Variants in RBFOX2 observed in about 807,000 individuals in gnomAD.
RBFOX2 encodes the protein RNA binding fox-1 homolog 2.
RBFOX2 carries 10 observed loss-of-function variants against 49.1 expected under a neutral mutation model. The observed-to-expected ratio is 0.20, with a 90% CI of 0.13 to 0.35. The LOEUF (loss-of-function observed/expected upper bound fraction) is 0.35. Ranked by LOEUF, RBFOX2 falls within the 10% of genes least tolerant of loss-of-function variation. The pLI is 1.00. For missense variants in RBFOX2, 323 were observed against 486.9 expected, an observed-to-expected ratio of 0.66 and a Z score of 3.17; for synonymous variants, 183 against 187.4, an observed-to-expected ratio of 0.98 and a Z score of 0.19.
chr22:35,898,524 C>T (rs2048160222), intron 1 of RBFOX2: 1 of 268,830 alleles, frequency 3.7e-6, no homozygotes, highest in Non-Finnish European at 7.1e-6. Flanking sequence ...CTCCCAGGCT[C>T]AAGCGATCCT....
chr22:35,854,242 C>T (rs543840382), intron 1 of RBFOX2, among the ~76,000 whole-genome samples: 14 of 152,124 alleles, frequency 9.2e-5, no homozygotes, highest in Middle Eastern at 3.4e-3. Context: ...AATACGACCA[C>T]ATTTGCTTTA....
At chr22:36,008,523 A>G (rs762486953) in intron 1 of RBFOX2, among the ~76,000 whole-genome samples, 60 of 152,194 alleles carry the variant, frequency 3.9e-4, no homozygotes, top group Non-Finnish European at 3.4e-4. Context: ...TAGAGGTTTA[A>G]CAAAAAATAG....
intron 2 of RBFOX2, among the ~76,000 whole-genome samples, chr22:35,799,367 T>C (rs999662874): frequency 6.6e-6 from 1 of 152,206 alleles, no homozygotes; most frequent in African/African-American, 2.4e-5. Flanking sequence ...TTACCTCTTT[T>C]GCTAATGCAC....
intron 1 of RBFOX2, among the ~76,000 whole-genome samples, chr22:35,952,214 G>A (rs1043921961): frequency 6.6e-6 from 1 of 152,182 alleles, no homozygotes; most frequent in Non-Finnish European, 1.5e-5. Context: ...ACTTGGAAAG[G>A]ACTTTTGGAA....
intron 2 of RBFOX2, among the ~76,000 whole-genome samples, chr22:35,808,616 G>A (rs557559145): frequency 1.3e-5 from 2 of 152,244 alleles, no homozygotes; most frequent in Admixed American, 6.5e-5. Flanking sequence ...GGGAGACCAT[G>A]GTAGGAGGAT....
intron 1 of RBFOX2, among the ~76,000 whole-genome samples, chr22:35,934,842 G>A (rs2052866833): frequency 6.6e-6 from 1 of 152,146 alleles, no homozygotes; most frequent in African/African-American, 2.4e-5. Context: ...CAAGGCCTGG[G>A]AACACGCCTA....
chr22:35,863,711 G>A (rs2149109656), intron 1 of RBFOX2, among the ~76,000 whole-genome samples: 1 of 152,248 alleles, frequency 6.6e-6, no homozygotes, highest in Non-Finnish European at 1.5e-5. Context: ...AGCAATTACT[G>A]GTAATGTGGT....
intron 2 of RBFOX2, among the ~76,000 whole-genome samples, chr22:35,784,409 A>C (rs1945917608): frequency 6.6e-6 from 1 of 152,212 alleles, no homozygotes; most frequent in Non-Finnish European, 1.5e-5. Flanking sequence ...GCCTGCAGGC[A>C]AATTCCTTAA....
chr22:35,783,748 T>G (rs1945754815), intron 2 of RBFOX2, among the ~76,000 whole-genome samples: 1 of 152,160 alleles, frequency 6.6e-6, no homozygotes, highest in African/African-American at 2.4e-5. Context: ...ATGGAATCAC[T>G]GATTGGCCAA....
upstream of RBFOX2, among the ~76,000 whole-genome samples, chr22:35,962,177 C>CT (rs751386431): frequency 5.9e-5 from 9 of 152,202 alleles, no homozygotes; most frequent in Non-Finnish European, 8.8e-5. Context: ...TCTTTAACCT[C>CT]TTAGAAGATG....
At chr22:35,941,362 T>TA (rs572214644), upstream of RBFOX2, among the ~76,000 whole-genome samples, 33 of 152,208 alleles carry the variant, frequency 2.2e-4, 1 homozygote, top group South Asian at 6.8e-3. Flanking sequence ...GAGGAAGAGA[T>TA]AGAGGCAAAA....
At chr22:35,902,089 A>G (rs1012590421) in intron 1 of RBFOX2, among the ~76,000 whole-genome samples, 1 of 152,056 alleles carries the variant, frequency 6.6e-6, no homozygotes, top group Non-Finnish European at 1.5e-5. Flanking sequence ...CAAAAAAAAA[A>G]GAGAAGAAAA....
intron 2 of RBFOX2, 137 bp downstream of exon 3, chr22:35,809,643 C>T (rs945763156): frequency 1.0e-6 from 1 of 962,804 alleles, no homozygotes; most frequent in Admixed American, 1.9e-5. Flanking sequence ...GTATACAATG[C>T]TGTTGAGAGA....
intron 1 of RBFOX2, among the ~76,000 whole-genome samples, chr22:36,019,945 C>T (rs1569523983): frequency 1.3e-5 from 2 of 152,132 alleles, no homozygotes; most frequent in Non-Finnish European, 2.9e-5. Flanking sequence ...CCAAGACAAT[C>T]CTAAGCCAAA....
chr22:35,972,038 T>G (rs2056907245), intron 1 of RBFOX2, among the ~76,000 whole-genome samples: 1 of 151,786 alleles, frequency 6.6e-6, no homozygotes. Context: ...CGGAACATAT[T>G]TCTCCCACTG....
intron 1 of RBFOX2, among the ~76,000 whole-genome samples, chr22:35,967,411 CAA>C (rs398061921): frequency 1.5e-5 from 2 of 137,280 alleles, no homozygotes; most frequent in Non-Finnish European, 1.6e-5. Context: ...AATACCCTAC[CAA>C]AAAAAAAAAA....
chr22:35,850,357 A>G (rs1199150245), intron 1 of RBFOX2, among the ~76,000 whole-genome samples: 1 of 152,114 alleles, frequency 6.6e-6, no homozygotes, highest in Non-Finnish European at 1.5e-5. Flanking sequence ...CCCTTTCATG[A>G]CACTGTATGT....
chr22:35,873,889 C>T (rs989028064), intron 1 of RBFOX2, among the ~76,000 whole-genome samples: 1 of 152,078 alleles, frequency 6.6e-6, no homozygotes, highest in Non-Finnish European at 1.5e-5. Context: ...CCATATTACC[C>T]AGGTTGGTCT....
At chr22:35,827,460 A>G (rs897298424) in intron 1 of RBFOX2, among the ~76,000 whole-genome samples, 1 of 152,028 alleles carries the variant, frequency 6.6e-6, no homozygotes, top group Non-Finnish European at 1.5e-5. Flanking sequence ...CCCCCCATTA[A>G]TTTTATCAGT....
Sources: gnomAD v4.1 joint callset for allele counts (sites outside exome capture counted in the v4.1 genomes callset) on GRCh38, gnomAD v4.1.1 for gene constraint, MANE v1.5 for transcripts, NCBI Gene and HGNC (gene_info 2026-07-23, HGNC 2026-07-21) for gene names.